The following TMIGD3 variants were observed in gnomAD, a reference collection of about 807,000 sequenced individuals.
TMIGD3 encodes AD026 protein (AD026).
A neutral mutation model predicts 28.1 loss-of-function variants in TMIGD3; 21 were observed. The observed-to-expected ratio is 0.75, with a 90% CI of 0.53 to 1.08. TMIGD3 has a LOEUF of 1.08. Among genes scored for constraint, TMIGD3 ranks in the 50% least tolerant of loss-of-function variants. The pLI, the probability that TMIGD3 is intolerant of heterozygous loss-of-function variation, is 0.00. For synonymous variants in TMIGD3, 151 were observed against 162.1 expected (o/e 0.93, Z 0.52); for missense variants, 416 against 435.6 (o/e 0.96, Z 0.40).
rs754483395 is a variant in TMIGD3, at chr1:111,503,405, G to A, written c.-51C>T. ...AGGGACAGGTGAGCCAGCAAGATCC[G>A]TCTGTAGGGCCAGTGGGCCTAGCTC... On this transcript the variant is annotated 5_prime_UTR_variant, in exon 1 of 6. In the 5' UTR this introduces an upstream ATG that the reference lacks. Coordinates refer to ENST00000369716, the MANE Select transcript of TMIGD3 (RefSeq NM_020683.7). The A allele has an allele frequency of 1.6e-4, 250 of 1,549,774 alleles. No homozygotes were observed. The highest frequency in any genetic ancestry group is 2.7e-4 in the Admixed American group (14 of 52,750).
rs1026890775 is a variant in TMIGD3, at chr1:111,485,919, G to A, written c.873-79C>T. 3.5e-6 allele frequency: 4 copies of A among 1,143,798 alleles called. No homozygotes were observed. In the African/African-American group the frequency reaches 6.2e-5, roughly 18 times the overall value. 70.9% of individuals were successfully genotyped at this position (1,143,798 alleles called of 1,614,324 possible). Reference sequence around the variant, plus strand: ...TCTCAGCTCTGGATCCCTTTTTCTGGGATTTGCACCCCTGCCCACCCCCCA... The same window carrying A: ...TCTCAGCTCTGGATCCCTTTTTCTGAGATTTGCACCCCTGCCCACCCCCCA... On this transcript the variant is annotated intron_variant, in intron 4 of 5. Coordinates refer to ENST00000369716, the MANE Select transcript of TMIGD3 (RefSeq NM_020683.7).
At chr1:111,547,287 G>T (rs965610550) in intron 1 of TMIGD3, among the ~76,000 whole-genome samples, 5 of 151,932 alleles carry the variant, frequency 3.3e-5, no homozygotes, top group Middle Eastern at 3.4e-3. Flanking sequence ...GGTCTGGTGT[G>T]TTTTTAAATC....
At chr1:111,553,424 C>T (rs763122588) in intron 1 of TMIGD3, among the ~76,000 whole-genome samples, 5 of 152,162 alleles carry the variant, frequency 3.3e-5, no homozygotes, top group Non-Finnish European at 5.9e-5. Flanking sequence ...TTAATAGAGT[C>T]GTTTGTCTCT....
chr1:111,520,166 C>T (rs781024343), intron 1 of TMIGD3, among the ~76,000 whole-genome samples: 22 of 152,194 alleles, frequency 1.4e-4, no homozygotes, highest in Non-Finnish European at 2.9e-4. Context: ...AATAGGTTGT[C>T]ATAAAGAGTG....
chr1:111,494,412 C>A (rs551889359), intron 1 of TMIGD3, among the ~76,000 whole-genome samples: 5 of 152,168 alleles, frequency 3.3e-5, no homozygotes, highest in African/African-American at 7.2e-5. Context: ...TTCCTATAAA[C>A]CAAGAACAGC....
chr1:111,494,629 A>T (rs1430639311), intron 1 of TMIGD3, among the ~76,000 whole-genome samples: 2 of 152,228 alleles, frequency 1.3e-5, no homozygotes, highest in African/African-American at 4.8e-5. Context: ...ATTCAATGTG[A>T]TTCCTATCAA....
chr1:111,528,066 C>G (rs111901006), intron 1 of TMIGD3, among the ~76,000 whole-genome samples: 2 of 151,722 alleles, frequency 1.3e-5, no homozygotes, highest in South Asian at 4.1e-4. Flanking sequence ...TATATAAAAA[C>G]GCATCATCAT....
chr1:111,511,281 C>T (rs1376674086), intron 1 of TMIGD3, among the ~76,000 whole-genome samples: 1 of 152,102 alleles, frequency 6.6e-6, no homozygotes, highest in African/African-American at 2.4e-5. Context: ...TGTCTTCCTC[C>T]CACTTCCCTT....
At chr1:111,510,975 C>A (rs562103416) in intron 1 of TMIGD3, among the ~76,000 whole-genome samples, 71 of 152,324 alleles carry the variant, frequency 4.7e-4, no homozygotes, top group Middle Eastern at 3.4e-3. Context: ...CGGGCACCCA[C>A]ATCCAGCAAT....
At chr1:111,561,589 G>A (rs923323279) in intron 1 of TMIGD3, among the ~76,000 whole-genome samples, 1 of 152,170 alleles carries the variant, frequency 6.6e-6, no homozygotes, top group African/African-American at 2.4e-5. Flanking sequence ...CACATGGTCA[G>A]GTCAAACACA....
At chr1:111,486,145 C>T (rs1330397316) in intron 4 of TMIGD3, among the ~76,000 whole-genome samples, 1 of 151,818 alleles carries the variant, frequency 6.6e-6, no homozygotes, top group African/African-American at 2.4e-5. Context: ...AACTTAGGAA[C>T]CATAAATGGA....
At chr1:111,538,034 T>G (rs543367502) in intron 1 of TMIGD3, among the ~76,000 whole-genome samples, 1 of 152,330 alleles carries the variant, frequency 6.6e-6, no homozygotes, top group African/African-American at 2.4e-5. Flanking sequence ...TTGCTATTTG[T>G]TAACTCATAT....
chr1:111,499,664 A>C, intron 1 of TMIGD3: 1 of 1,195,748 alleles, frequency 8.4e-7, no homozygotes, highest in South Asian at 2.0e-5. Flanking sequence ...TCCATGACTT[A>C]TTCTTCTATT....
intron 1 of TMIGD3, among the ~76,000 whole-genome samples, chr1:111,518,286 G>A (rs1655933133): frequency 6.6e-6 from 1 of 152,168 alleles, no homozygotes; most frequent in Admixed American, 6.5e-5. Flanking sequence ...CATTCATTCA[G>A]CATCTACTTA....
chr1:111,526,421 G>C (rs1656263592), intron 1 of TMIGD3, among the ~76,000 whole-genome samples: 1 of 152,128 alleles, frequency 6.6e-6, no homozygotes. Flanking sequence ...CTCTCCTGCT[G>C]CCATGTGAAG....
Position 111,483,679 on chromosome 1 carries a change from A to T in TMIGD3, c.*8T>A. ...TCACTTTATGAACTAAATTAAAAAA[A>T]TCTTCAGTCACATCTGTTCAGTAGG... is the stretch of plus-strand genomic sequence containing the variant. On this transcript the variant is annotated 3_prime_UTR_variant, in exon 6 of 6. Transcript: ENST00000369716. 6.2e-7 allele frequency: 1 copy of T among 1,609,426 alleles called. No individual in the cohort carries two copies. The highest frequency in any genetic ancestry group is 8.5e-7 in the Non-Finnish European group (1 of 1,175,722).
At chr1:111,514,513 C>T (rs1212732294) in intron 1 of TMIGD3, among the ~76,000 whole-genome samples, 1 of 151,926 alleles carries the variant, frequency 6.6e-6, no homozygotes, top group African/African-American at 2.4e-5. Flanking sequence ...AGGATCACAC[C>T]ATCACCGCAC....
At chr1:111,545,121 C>T (rs1656987487) in intron 1 of TMIGD3, among the ~76,000 whole-genome samples, 1 of 151,848 alleles carries the variant, frequency 6.6e-6, no homozygotes, top group Non-Finnish European at 1.5e-5. Flanking sequence ...GGTATATACC[C>T]AATTTCTTGG....
upstream of TMIGD3, among the ~76,000 whole-genome samples, chr1:111,506,763 G>C (rs1188337189): frequency 1.3e-5 from 2 of 151,912 alleles, no homozygotes; most frequent in East Asian, 1.9e-4. Flanking sequence ...TCTGAGCTAG[G>C]AAGAGATGGC....
Sources: allele counts gnomAD v4.1 joint callset (sites outside exome capture counted in the v4.1 genomes callset), GRCh38; gene constraint gnomAD v4.1.1; transcripts MANE v1.5; gene names NCBI Gene and HGNC (gene_info 2026-07-23, HGNC 2026-07-21).